DMXL1: variants seen among roughly 807,000 people sequenced by gnomAD.
DMXL1 encodes Dmx like 1, also known as dmX-like protein 1.
A neutral mutation model predicts 319.2 loss-of-function variants in DMXL1; 99 were observed. The observed-to-expected ratio is 0.31, with a 90% CI of 0.26 to 0.37. The LOEUF (loss-of-function observed/expected upper bound fraction) is 0.37, where lower values mean the gene tolerates loss of function less well. Among genes scored for constraint, DMXL1 ranks in the 10% least tolerant of loss-of-function variants. DMXL1 has a pLI of 1.00. For synonymous variants in DMXL1, 1,385 were observed against 1,235.2 expected, an observed-to-expected ratio of 1.12 and a Z score of -2.54; for missense variants, 3,745 against 3,595.6, an observed-to-expected ratio of 1.04 and a Z score of -1.06.
chr5:119,142,530 A>G (rs1371095100), intron 13 of DMXL1, among the ~76,000 whole-genome samples: 2 of 151,408 alleles, frequency 1.3e-5, no homozygotes, highest in Non-Finnish European at 3.0e-5. Context: ...AAAAAAAAAA[A>G]AAAAAAAAGA....
chr5:119,135,448 A>G (rs776003235), intron 13 of DMXL1, among the ~76,000 whole-genome samples: 1 of 152,222 alleles, frequency 6.6e-6, no homozygotes, highest in African/African-American at 2.4e-5. Context: ...AGATACGTAG[A>G]TATTTATTAA....
chr5:119,098,252 C>A, intron 2 of DMXL1, 148 bp downstream of exon 2: 1 of 739,430 alleles, frequency 1.4e-6, no homozygotes, highest in South Asian at 1.9e-5. Context: ...GTCTAAGATG[C>A]ATTCTATAGA....
At chr5:119,082,756 C>A (rs1752516660) in intron 1 of DMXL1, among the ~76,000 whole-genome samples, 1 of 152,180 alleles carries the variant, frequency 6.6e-6, no homozygotes, top group South Asian at 2.1e-4. Flanking sequence ...TTGAAATATA[C>A]AATAGATTAT....
At chr5:119,166,499 T>G in intron 21 of DMXL1, 117 bp from the exon 22 acceptor site, 1 of 803,716 alleles carries the variant, frequency 1.2e-6, no homozygotes, top group South Asian at 1.7e-5. Flanking sequence ...ACATAGTAAG[T>G]TATGAACTGG....
At chr5:119,139,886 C>G (rs1766909315) in intron 13 of DMXL1, among the ~76,000 whole-genome samples, 1 of 152,184 alleles carries the variant, frequency 6.6e-6, no homozygotes, top group Non-Finnish European at 1.5e-5. Context: ...AAACAATCCT[C>G]AGCAAATGCA....
At chr5:119,110,788 G>A (rs980543003) in intron 5 of DMXL1, among the ~76,000 whole-genome samples, 3 of 152,158 alleles carry the variant, frequency 2.0e-5, no homozygotes, top group Non-Finnish European at 4.4e-5. Flanking sequence ...AGATGATCAA[G>A]CATTTTGTTA....
chr5:119,160,731 T>C (rs1470504716), intron 19 of DMXL1, among the ~76,000 whole-genome samples: 3 of 152,174 alleles, frequency 2.0e-5, no homozygotes, highest in African/African-American at 7.2e-5. Context: ...ATTATTAATA[T>C]CCTCTGGATG....
chr5:119,081,113 G>T lies in DMXL1; in HGVS notation c.87+9457G>T, dbSNP rs116177774. 3.8e-3 allele frequency among the ~76,000 whole-genome samples: 578 copies of T among 152,284 alleles called. 4 individuals carry two copies. The highest frequency in any genetic ancestry group is 0.014 in the African/African-American group (562 of 41,556). On this transcript the variant is annotated intron_variant, in intron 1 of 43. Transcript: ENST00000539542. ...CATTCCAAACAGCTGGCAAGGTAGG[G>T]CCTAGTAAATACATGAGGACAAATG...
intron 41 of DMXL1, among the ~76,000 whole-genome samples, chr5:119,240,217 G>A (rs1042832587): frequency 1.1e-4 from 17 of 152,154 alleles, no homozygotes; most frequent in African/African-American, 4.1e-4. Flanking sequence ...AGGCTGCAGT[G>A]AGCCAAGATT....
At chr5:119,141,515 G>C (rs567493517) in intron 13 of DMXL1, among the ~76,000 whole-genome samples, 2 of 151,996 alleles carry the variant, frequency 1.3e-5, no homozygotes, top group African/African-American at 2.4e-5. Flanking sequence ...GCCACAAAAA[G>C]AATAAAATAC....
chr5:119,121,088 G>A lies in DMXL1; in HGVS notation c.1051G>A (p.Ala351Thr), dbSNP rs745381631. 1 of 1,610,714 alleles carries A rather than the reference G, an allele frequency of 6.2e-7. No individual in the cohort carries two copies. The highest frequency in any genetic ancestry group is 8.5e-7 in the Non-Finnish European group (1 of 1,179,064). The change falls in exon 9 of 44, where the codon GCC becomes ACC. Residue 351 changes from alanine to threonine, a missense_variant. This residue lies in a region of DMXL1 where 2,096 missense variants were observed against 1,985.4 expected (regional missense o/e 1.06). Transcript: ENST00000539542. ...HHVHRNTPLH[A>T]NALCHFHIAA... ...TGTTCACAGGAACACTCCACTGCAT[G>A]CCAATGCACTTTGCCACTTTCATAT...
chr5:119,153,677 C>T (rs752675868), intron 19 of DMXL1, among the ~76,000 whole-genome samples: 73 of 152,180 alleles, frequency 4.8e-4, no homozygotes, highest in Admixed American at 2.0e-3. Context: ...CAATATTTGT[C>T]TATGACTGGC....
At chr5:119,202,883 T>TTATATATATATATATATATATATA (rs201634842) in intron 32 of DMXL1, among the ~76,000 whole-genome samples, 1,033 of 71,310 alleles carry the variant, frequency 0.014, 25 homozygotes, top group African/African-American at 0.039. Flanking sequence ...ATATATATAT[T>TTATATATATATATATATATATATA]TTTATATATA....
At chr5:119,116,816 T>C (rs948165603) in intron 7 of DMXL1, among the ~76,000 whole-genome samples, 6 of 152,034 alleles carry the variant, frequency 3.9e-5, no homozygotes, top group African/African-American at 1.4e-4. Context: ...AAAGAGAGAG[T>C]AGGTTAATAC....
chr5:119,146,862 G>C lies in DMXL1; in HGVS notation c.2595G>C (p.Glu865Asp). 6.2e-7 allele frequency: 1 copy of C among 1,610,768 alleles called. No individual in the cohort carries two copies. Residue 865 changes from glutamate (E) to aspartate (D), a missense_variant, in exon 16 of 44, where the codon GAG becomes GAC. Transcript: ENST00000539542. Reference protein sequence around the residue: ...NAGSSPNGFSEKFYLIVIECT... With the variant: ...NAGSSPNGFSDKFYLIVIECT... Reference sequence around the variant, plus strand: ...GCAGCTCACCTAATGGATTTTCTGAGAAGTTCTACCTAATTGTAATAGAAT... The same window carrying C: ...GCAGCTCACCTAATGGATTTTCTGACAAGTTCTACCTAATTGTAATAGAAT...
chr5:119,125,442 C>T (rs1167523647), intron 9 of DMXL1, among the ~76,000 whole-genome samples: 1 of 152,098 alleles, frequency 6.6e-6, no homozygotes, highest in Non-Finnish European at 1.5e-5. Context: ...TCTATTTTAG[C>T]AGGGCCACTA....
intron 2 of DMXL1, among the ~76,000 whole-genome samples, chr5:119,098,389 G>C (rs900795036): frequency 6.6e-6 from 1 of 151,908 alleles, no homozygotes; most frequent in African/African-American, 2.4e-5. Context: ...TGGACTGGGG[G>C]AAAGGAGTAA....
intron 5 of DMXL1, among the ~76,000 whole-genome samples, chr5:119,110,825 T>C (rs1176739817): frequency 6.6e-6 from 1 of 152,144 alleles, no homozygotes; most frequent in Non-Finnish European, 1.5e-5. Flanking sequence ...CAGATTAGGA[T>C]CCAGGATTAG....
At chr5:119,164,437 A>G in intron 19 of DMXL1, 70 bp from the exon 20 acceptor site, 1 of 1,341,230 alleles carries the variant, frequency 7.5e-7, no homozygotes. Flanking sequence ...AAAATATGGA[A>G]CATACATTTC....
Sources: gnomAD v4.1 joint callset for allele counts (sites outside exome capture counted in the v4.1 genomes callset) on GRCh38, gnomAD v4.1.1 for gene constraint, gnomAD v4.1.1 regional missense constraint, MANE v1.5 for transcripts, NCBI Gene and HGNC (gene_info 2026-07-23, HGNC 2026-07-21) for gene names.